UBTD2: variants seen among roughly 807,000 people sequenced by gnomAD.
UBTD2 encodes the protein ubiquitin domain-containing protein 2.
In UBTD2, 9 loss-of-function variants were observed where a neutral mutation model predicts 19.8. The ratio of observed to expected loss-of-function variants is 0.46; its 90% CI spans 0.27 to 0.79. The LOEUF (loss-of-function observed/expected upper bound fraction) is 0.79, where lower values mean the gene tolerates loss of function less well. UBTD2 is among the 30% of genes least tolerant of loss of function. The pLI, the probability that UBTD2 is intolerant of heterozygous loss-of-function variation, is 0.14. For missense variants in UBTD2, 250 were observed against 300.4 expected (o/e 0.83, Z 1.24); for synonymous variants, 98 against 103.9 (o/e 0.94, Z 0.35).
chr5:172,245,813 A>C (rs1217610305), intron 1 of UBTD2, among the ~76,000 whole-genome samples: 1 of 152,252 alleles, frequency 6.6e-6, no homozygotes, highest in Non-Finnish European at 1.5e-5. Context: ...AAAGGCTTTG[A>C]AAAGTGAACT....
chr5:172,275,669 C>T (rs76627519), intron 1 of UBTD2, among the ~76,000 whole-genome samples: 99 of 152,284 alleles, frequency 6.5e-4, no homozygotes, highest in African/African-American at 2.2e-3. Context: ...CACCTTCAGT[C>T]AACTCACCCC....
intron 1 of UBTD2, among the ~76,000 whole-genome samples, chr5:172,253,771 AAT>A (rs1755079586): frequency 6.6e-6 from 1 of 151,816 alleles, no homozygotes; most frequent in African/African-American, 2.4e-5. Context: ...TGAATTCTTA[AAT>A]TTTTTTTATT....
intron 1 of UBTD2, among the ~76,000 whole-genome samples, chr5:172,266,123 G>A (rs1054665234): frequency 7.2e-5 from 11 of 151,848 alleles, no homozygotes; most frequent in Admixed American, 2.0e-4. Context: ...TAGAGATGAG[G>A]TTTCACCGTG....
chr5:172,244,917 C>T (rs185217025), intron 1 of UBTD2, among the ~76,000 whole-genome samples: 4 of 152,000 alleles, frequency 2.6e-5, no homozygotes, highest in South Asian at 2.1e-4. Context: ...TTAGTAGAGA[C>T]GGGTTTCACC....
At chr5:172,228,180 C>T (rs894040099) in intron 2 of UBTD2, among the ~76,000 whole-genome samples, 3 of 152,152 alleles carry the variant, frequency 2.0e-5, no homozygotes, top group Non-Finnish European at 2.9e-5. Flanking sequence ...AGAACTAAAA[C>T]ATTAGACATA....
intron 1 of UBTD2, among the ~76,000 whole-genome samples, chr5:172,245,864 G>A (rs1182812915): frequency 6.6e-6 from 1 of 152,236 alleles, no homozygotes. Flanking sequence ...GGCAGAACAT[G>A]CCGGCTGAAC....
At chr5:172,256,038 G>A (rs1050107546) in intron 1 of UBTD2, among the ~76,000 whole-genome samples, 3 of 151,228 alleles carry the variant, frequency 2.0e-5, no homozygotes, top group Non-Finnish European at 3.0e-5. Context: ...GCAGTGAGCC[G>A]AGATCACACC....
At chr5:172,254,872 G>A in intron 1 of UBTD2, 1 of 509,966 alleles carries the variant, frequency 2.0e-6, no homozygotes, top group Non-Finnish European at 3.7e-6. Flanking sequence ...GTACTTGCAT[G>A]CTACTACTGG....
intron 2 of UBTD2, among the ~76,000 whole-genome samples, chr5:172,226,652 G>A (rs1373283804): frequency 6.6e-6 from 1 of 152,132 alleles, no homozygotes. Context: ...CCTGAATCAC[G>A]CTAATGTCCA....
At position 172,283,384 on chromosome 5, in the gene UBTD2, C is replaced by T. The variant is rs1017268354; in HGVS notation, c.70+212G>A. The stretch of plus-strand genomic sequence containing the variant: ...TCGGCGAGGCCAAGGGCTACGTCCC[C>T]GGCGCTCAGAGGACTTTTCTTCAGG... On this transcript the variant is annotated intron_variant, in intron 1 of 2. Coordinates refer to ENST00000393792, the MANE Select transcript of UBTD2 (RefSeq NM_152277.3). This position sits in a 1 kb window ranked among gnomAD's most constrained non-coding sequence, Gnocchi z 4.3. Among the ~76,000 whole-genome samples, 1 of 152,204 alleles carries T rather than the reference C, an allele frequency of 6.6e-6. No homozygotes were observed. The highest frequency in any genetic ancestry group is 1.5e-5 in the Non-Finnish European group (1 of 68,024).
At chr5:172,263,428 A>G (rs1755311732) in intron 1 of UBTD2, among the ~76,000 whole-genome samples, 1 of 152,218 alleles carries the variant, frequency 6.6e-6, no homozygotes, top group Non-Finnish European at 1.5e-5. Context: ...CTCATAATAC[A>G]AAGCATGTAA....
Position 172,283,516 on chromosome 5 carries a change from G to T in UBTD2, c.70+80C>A. The T allele has an allele frequency of 8.8e-7, 1 of 1,135,914 alleles. No homozygotes were observed. Among genetic ancestry groups the T allele is most frequent in the African/African-American group, 1.6e-5 (1 of 61,788 alleles). 70.4% of individuals were successfully genotyped at this position (1,135,914 alleles called of 1,614,324 possible). A position where few individuals can be genotyped will look rare whatever the true frequency, so the allele number is the denominator to read the frequency against. The stretch of plus-strand genomic sequence containing the variant: ...ACAAAGGGGCGCGGGGGCCCGGCGC[G>T]GCCCGCGGGGGTCGGGACAGGTGGC... On this transcript the variant is annotated intron_variant, in intron 1 of 2. Coordinates refer to ENST00000393792, the MANE Select transcript of UBTD2 (RefSeq NM_152277.3). The surrounding 1 kb of genome is among the most constrained non-coding windows in gnomAD (Gnocchi z 4.3).
At chr5:172,247,370 G>C (rs1754902496) in intron 1 of UBTD2, among the ~76,000 whole-genome samples, 1 of 151,872 alleles carries the variant, frequency 6.6e-6, no homozygotes, top group South Asian at 2.1e-4. Context: ...AGAAGAAACA[G>C]GCCGGGTGCA....
intron 1 of UBTD2, among the ~76,000 whole-genome samples, chr5:172,277,207 T>C (rs577523315): frequency 3.7e-4 from 57 of 152,240 alleles, no homozygotes; most frequent in African/African-American, 1.3e-3. Flanking sequence ...ACCATTTCAC[T>C]GCTAATAACC....
At chr5:172,258,888 T>C (rs1256632543) in intron 1 of UBTD2, among the ~76,000 whole-genome samples, 1 of 152,222 alleles carries the variant, frequency 6.6e-6, no homozygotes, top group Non-Finnish European at 1.5e-5. Context: ...TCATATAATC[T>C]GCAAAGAAAG....
intron 1 of UBTD2, among the ~76,000 whole-genome samples, chr5:172,237,283 G>A (rs1187474003): frequency 1.3e-5 from 2 of 151,996 alleles, no homozygotes; most frequent in African/African-American, 4.8e-5. Flanking sequence ...TAGTAGAGAC[G>A]GGGTTTCACC....
chr5:172,251,206 C>A (rs1484597786), intron 1 of UBTD2, among the ~76,000 whole-genome samples: 1 of 150,212 alleles, frequency 6.7e-6, no homozygotes, highest in African/African-American at 2.4e-5. Flanking sequence ...GTAGTCCCAG[C>A]TACTCGGGAG....
chr5:172,245,116 CAAG>C (rs938701437), intron 1 of UBTD2, among the ~76,000 whole-genome samples: 2 of 152,152 alleles, frequency 1.3e-5, no homozygotes, highest in African/African-American at 2.4e-5. Flanking sequence ...CTAGATAAAC[CAAG>C]AAGAAGGGTA....
intron 1 of UBTD2, among the ~76,000 whole-genome samples, chr5:172,275,103 G>A (rs548172500): frequency 5.9e-5 from 9 of 152,280 alleles, no homozygotes; most frequent in Non-Finnish European, 1.0e-4. Context: ...TCACAGTTCC[G>A]CAGGGCTGGG....
Sources: gnomAD v4.1 joint callset for allele counts (sites outside exome capture counted in the v4.1 genomes callset) on GRCh38, gnomAD v4.1.1 for gene constraint, Gnocchi (gnomAD v3.1) non-coding constraint, MANE v1.5 for transcripts, NCBI Gene and HGNC (gene_info 2026-07-23, HGNC 2026-07-21) for gene names.